Variants in RP1 observed in about 807,000 individuals in gnomAD.
RP1 encodes the protein oxygen-regulated protein 1.
A neutral mutation model predicts 14.8 loss-of-function variants in RP1; 16 were observed. The ratio of observed to expected loss-of-function variants is 1.08; its 90% CI spans 0.73 to 1.65. The LOEUF (loss-of-function observed/expected upper bound fraction) is 1.65. Ranked by LOEUF, RP1 falls within the 40% of genes most tolerant of loss-of-function variation. RP1 has a pLI of 0.00. For missense variants in RP1, 2,631 were observed against 2,535.0 expected (o/e 1.04, Z -0.81); for synonymous variants, 876 against 883.6 (o/e 0.99, Z 0.15).
intron 24 of RP1, among the ~76,000 whole-genome samples, chr8:54,787,494 A>C (rs1271173917): frequency 6.6e-6 from 1 of 151,934 alleles, no homozygotes; most frequent in Non-Finnish European, 1.5e-5. Context: ...GATCCTTCTC[A>C]CTCTGAGGGA....
intron 25 of RP1, among the ~76,000 whole-genome samples, chr8:54,845,114 G>T (rs1563394129): frequency 6.6e-6 from 1 of 152,176 alleles, no homozygotes; most frequent in African/African-American, 2.4e-5. Context: ...TGGCCAAAGG[G>T]CCAGAAGCTG....
At chr8:54,847,081 C>A (rs190390315) in intron 25 of RP1, among the ~76,000 whole-genome samples, 23 of 152,262 alleles carry the variant, frequency 1.5e-4, no homozygotes, top group East Asian at 7.7e-4. Context: ...AAGATCCAAC[C>A]CTCAGCATCT....
Position 54,628,758 on chromosome 8 carries a change from G to C in RP1, c.4876G>C (p.Gly1626Arg). The change falls in exon 4 of 4, where the codon GGA (glycine) becomes CGA (arginine). Residue 1626 changes from glycine (G) to arginine (R), a missense_variant. Coordinates refer to ENST00000220676, the MANE Select transcript of RP1 (RefSeq NM_006269.2). ...ELTQEKEYNI[G>R]FVKRAIEKLY... ...TACCCAAGAGAAAGAATATAACATA[G>C]GATTTGTTAAAAGGGCAATAGAAAA... is the stretch of plus-strand genomic sequence containing the variant. 1.2e-6 allele frequency: 2 copies of C among 1,614,032 alleles called. No homozygotes were observed. Among genetic ancestry groups the C allele is most frequent in the Non-Finnish European group, 1.7e-6 (2 of 1,179,966 alleles).
chr8:54,837,508 G>T, exon 25 of RP1: 2 of 1,231,796 alleles, frequency 1.6e-6, no homozygotes, highest in Non-Finnish European at 2.0e-6. Flanking sequence ...GACAACACTG[G>T]AAAGAATCCC....
At chr8:54,590,712 T>C (rs920646181) in intron 1 of RP1, among the ~76,000 whole-genome samples, 5 of 152,192 alleles carry the variant, frequency 3.3e-5, no homozygotes, top group African/African-American at 1.2e-4. Context: ...TTTATGTGGT[T>C]TAAAGTGCCA....
At chr8:54,761,204 C>T (rs1414023838) in intron 22 of RP1, among the ~76,000 whole-genome samples, 1 of 149,820 alleles carries the variant, frequency 6.7e-6, no homozygotes, top group African/African-American at 2.5e-5. Context: ...CATTTCACAT[C>T]GTCACCCATC....
intron 5 of RP1, among the ~76,000 whole-genome samples, chr8:54,653,288 G>T (rs1806691937): frequency 6.6e-6 from 1 of 152,084 alleles, no homozygotes; most frequent in Non-Finnish European, 1.5e-5. Flanking sequence ...AATGCCCCTT[G>T]AGTATTTTTA....
intron 1 of RP1, among the ~76,000 whole-genome samples, chr8:54,564,133 C>G (rs1407944570): frequency 6.6e-6 from 1 of 152,160 alleles, no homozygotes; most frequent in East Asian, 1.9e-4. Flanking sequence ...GACTGGTCAG[C>G]ACAGTGGACA....
chr8:54,603,353 T>C (rs35560991), intron 1 of RP1, among the ~76,000 whole-genome samples: 51,749 of 151,436 alleles, frequency 0.34, 9,408 homozygotes, highest in Middle Eastern at 0.49. Context: ...GTTGTAGATA[T>C]GCGGCATTAT....
At chr8:54,673,741 AAACAACAACAAC>A (rs4014240) in intron 7 of RP1, 2 of 813,880 alleles carry the variant, frequency 2.5e-6, no homozygotes. Flanking sequence ...GCCTGTCTCA[AAACAACAACAAC>A]AACAACAACA....
At chr8:54,773,494 G>A (rs1287527374), downstream of RP1, among the ~76,000 whole-genome samples, 3 of 152,002 alleles carry the variant, frequency 2.0e-5, no homozygotes, top group Non-Finnish European at 4.4e-5. Context: ...ATAATTAGCT[G>A]AGTGTGGTAG....
intron 12 of RP1, among the ~76,000 whole-genome samples, chr8:54,691,163 G>T (rs1192838865): frequency 6.6e-6 from 1 of 152,058 alleles, no homozygotes; most frequent in African/African-American, 2.4e-5. Context: ...ATTAGAAAAG[G>T]AAAGACCAGT....
chr8:54,629,319 G>A lies in RP1; in HGVS notation c.5437G>A (p.Glu1813Lys). 6.2e-7 allele frequency: 1 copy of A among 1,613,864 alleles called. No individual in the cohort carries two copies. Among genetic ancestry groups the A allele is most frequent in the Non-Finnish European group, 8.5e-7 (1 of 1,179,916 alleles). The change falls in exon 4 of 4, where the codon GAA becomes AAA. Residue 1813 changes from glutamate (E) to lysine (K), a missense_variant. By Grantham distance (56) the Glu-to-Lys change is moderately conservative (BLOSUM62 1). Transcript: ENST00000220676. Reference sequence around the variant, plus strand: ...ACTCGAGGAACTGACTCAACCCCTTGAACTAAAATGCAATTACTTTAACAT... The same window carrying A: ...ACTCGAGGAACTGACTCAACCCCTTAAACTAAAATGCAATTACTTTAACAT... Reference protein sequence around the residue: ...SELEELTQPLELKCNYFNMPH... With the variant: ...SELEELTQPLKLKCNYFNMPH...
At position 54,628,221 on chromosome 8, in the gene RP1, G is replaced by T; in HGVS notation, c.4339G>T (p.Glu1447Ter). 1 of 1,613,966 alleles carries T rather than the reference G, an allele frequency of 6.2e-7. No homozygotes were observed. Among genetic ancestry groups the T allele is most frequent in the Non-Finnish European group, 8.5e-7 (1 of 1,179,912 alleles). ...TATGGAAGAACCACGGACTTCTGAA[G>T]AACCAGGCTCAATAACCAACAGCAT... ...FDMEEPRTSEEPGSITNSMTS... is the reference protein window; with the variant it reads ...FDMEEPRTSE The change falls in exon 4 of 4, where the codon GAA becomes TAA. Residue 1447 changes from glutamate to a stop codon, truncating the protein, a stop_gained. Transcript: ENST00000220676. LOFTEE classifies it low-confidence loss of function (END_TRUNC).
chr8:54,603,535 C>A (rs1240137042), intron 1 of RP1, among the ~76,000 whole-genome samples: 1 of 151,534 alleles, frequency 6.6e-6, no homozygotes, highest in African/African-American at 2.4e-5. Flanking sequence ...TTTTTTGGTT[C>A]CATATGAACT....
chr8:54,834,069 G>A (rs759867259), intron 24 of RP1, among the ~76,000 whole-genome samples: 77 of 152,070 alleles, frequency 5.1e-4, no homozygotes, highest in Admixed American at 9.2e-4. Flanking sequence ...TCCTCAAGGA[G>A]TTAAGGGTCT....
intron 5 of RP1, among the ~76,000 whole-genome samples, chr8:54,655,441 A>G (rs1286326541): frequency 7.2e-5 from 11 of 151,972 alleles, no homozygotes; most frequent in Non-Finnish European, 2.9e-5. Context: ...CTCCAGGATA[A>G]ATGGATCAGG....
At chr8:54,823,439 T>C (rs922829541) in intron 24 of RP1, among the ~76,000 whole-genome samples, 3 of 152,180 alleles carry the variant, frequency 2.0e-5, no homozygotes, top group African/African-American at 7.2e-5. Flanking sequence ...TAAGCAATTC[T>C]TGTGCCTCAG....
chr8:54,843,274 G>A (rs1369071823), intron 25 of RP1, among the ~76,000 whole-genome samples: 2 of 152,150 alleles, frequency 1.3e-5, no homozygotes, highest in African/African-American at 4.8e-5. Flanking sequence ...TAGAGACAGG[G>A]TTTTGCCACG....
Sources: gnomAD v4.1 joint callset for allele counts (sites outside exome capture counted in the v4.1 genomes callset) on GRCh38, gnomAD v4.1.1 for gene constraint, MANE v1.5 for transcripts, NCBI Gene and HGNC (gene_info 2026-07-23, HGNC 2026-07-21) for gene names.